SVEP1: variants seen among roughly 807,000 people sequenced by gnomAD.
The protein encoded by SVEP1 is sushi, von Willebrand factor type A, EGF and pentraxin domain containing 1.
SVEP1 carries 164 observed loss-of-function variants against 367.3 expected under a neutral mutation model. The ratio of observed to expected loss-of-function variants is 0.45; its 90% CI spans 0.39 to 0.51. The LOEUF (loss-of-function observed/expected upper bound fraction) is 0.51. SVEP1 is among the 20% of genes least tolerant of loss of function. The probability of loss-of-function intolerance (pLI) is 0.00; values close to 1 mark genes in which losing one functional copy is unlikely to be tolerated. For synonymous variants in SVEP1, 1,666 were observed against 1,611.6 expected (o/e 1.03, Z -0.81); for missense variants, 4,117 against 4,425.3 (o/e 0.93, Z 1.98).
chr9:110,443,857 T>TTCTCCATG (rs1828551339), intron 26 of SVEP1, 137 bp from the exon 27 acceptor site: 2 of 673,146 alleles, frequency 3.0e-6, no homozygotes, highest in East Asian at 6.7e-5. Context: ...CTCTTTTTTT[T>TTCTCCATG]TCTCCATTTG....
At position 110,436,323 on chromosome 9, in the gene SVEP1, T is replaced by A. The variant is rs1465661546; in HGVS notation, c.4764+57A>T. ...TGTCATCATTAGGCTGTTCACATTT[T>A]TACTAGGTTTGTACCTTTGCATCTC... On this transcript the variant is annotated intron_variant, in intron 28 of 47. Coordinates refer to ENST00000374469, the MANE Select transcript of SVEP1 (RefSeq NM_153366.4). 1.9e-6 allele frequency: 3 copies of A among 1,596,908 alleles called. No individual in the cohort carries two copies. The African/African-American group carries it at 4.0e-5, about 21-fold the overall frequency.
At chr9:110,515,544 C>T (rs1160766139) in intron 3 of SVEP1, among the ~76,000 whole-genome samples, 1 of 152,136 alleles carries the variant, frequency 6.6e-6, no homozygotes, top group Non-Finnish European at 1.5e-5. Context: ...TCATGATCCG[C>T]CCGCCTCAGC....
At chr9:110,371,052 A>G (rs1440041052) in intron 46 of SVEP1, among the ~76,000 whole-genome samples, 1 of 152,220 alleles carries the variant, frequency 6.6e-6, no homozygotes, top group Non-Finnish European at 1.5e-5. Flanking sequence ...GTCCTTGTCC[A>G]GAGAGAACAA....
intron 17 of SVEP1, 128 bp from the exon 18 acceptor site, chr9:110,466,154 C>CT: frequency 1.0e-6 from 1 of 959,230 alleles, no homozygotes; most frequent in Non-Finnish European, 1.5e-6. Flanking sequence ...CCAGAGAGCT[C>CT]TTTCTCCTGT....
chr9:110,435,329 G>A lies in SVEP1; in HGVS notation c.4800C>T (p.Leu1600=). The A allele has an allele frequency of 1.9e-6, 3 of 1,613,540 alleles. No individual in the cohort carries two copies. Among genetic ancestry groups the A allele is most frequent in the Non-Finnish European group, 2.5e-6 (3 of 1,179,564 alleles). The stretch of plus-strand genomic sequence containing the variant: ...GCCATGCTAACACGTTTCCTTTACT[G>A]AGTTCCTCTGGGCAGGAGGTAGCCA... ...KSLATSCPEE[L]SKGNVLAWPD... The change falls in exon 29 of 48, where the codon CTC becomes CTT. Residue 1600 remains leucine, a synonymous_variant. Transcript: ENST00000374469.
At chr9:110,372,208 C>G (rs1827288918) in intron 46 of SVEP1, among the ~76,000 whole-genome samples, 1 of 152,194 alleles carries the variant, frequency 6.6e-6, no homozygotes, top group South Asian at 2.1e-4. Flanking sequence ...GCTTCAGTAG[C>G]TTTTTCTGAA....
intron 3 of SVEP1, among the ~76,000 whole-genome samples, chr9:110,531,427 A>C (rs1456290828): frequency 6.6e-6 from 1 of 152,150 alleles, no homozygotes; most frequent in Non-Finnish European, 1.5e-5. Flanking sequence ...TCCTGGGGGC[A>C]GTTACCCTCA....
chr9:110,378,678 C>T (rs7862275), intron 44 of SVEP1, among the ~76,000 whole-genome samples: 12,153 of 122,744 alleles, frequency 0.099, 960 homozygotes, highest in African/African-American at 0.23. Context: ...TTGCCCATGC[C>T]TAAGTCCTGA....
chr9:110,549,994 T>C lies in SVEP1; in HGVS notation c.642A>G (p.Ser214=), dbSNP rs1234492742. The part of the protein sequence containing the change: ...PRPIAASLRD[S]GVEIFTFGIW... Reference sequence around the variant, plus strand: ...TGCCAAAAGTGAAGATCTCCACTCCTGAATCTCGCAGTGACGCTGCAATTG... The same window carrying C: ...TGCCAAAAGTGAAGATCTCCACTCCCGAATCTCGCAGTGACGCTGCAATTG... The change falls in exon 2 of 48, where the codon TCA becomes TCG. Residue 214 remains serine, a synonymous_variant. Coordinates refer to ENST00000374469, the MANE Select transcript of SVEP1 (RefSeq NM_153366.4). The C allele has an allele frequency of 3.7e-6, 6 of 1,613,790 alleles. No individual in the cohort carries two copies. Among genetic ancestry groups the C allele is most frequent in the Non-Finnish European group, 5.1e-6 (6 of 1,179,884 alleles).
chr9:110,555,982 C>T (rs1472296563), intron 1 of SVEP1, among the ~76,000 whole-genome samples: 1 of 152,188 alleles, frequency 6.6e-6, no homozygotes, highest in Non-Finnish European at 1.5e-5. Context: ...TAGTTTACAT[C>T]ATCTGCTAGC....
intron 6 of SVEP1, among the ~76,000 whole-genome samples, chr9:110,502,776 A>G (rs539606388): frequency 2.5e-4 from 38 of 152,372 alleles, no homozygotes; most frequent in African/African-American, 9.1e-4. Context: ...CTCAATTAAA[A>G]CTAAGAAAAA....
chr9:110,375,373 T>G lies in SVEP1; in HGVS notation c.10595A>C (p.His3532Pro), dbSNP rs201857903. 3 of 1,542,148 alleles carry G rather than the reference T, an allele frequency of 1.9e-6. No individual in the cohort carries two copies. The highest frequency in any genetic ancestry group is 2.0e-5 in the Admixed American group (1 of 49,352). ...CPPGWTGSRC[H>P]TAVCQSPCLN... Reference sequence around the variant, plus strand: ...AAACCATGAAAGAGGCCTACCTGTATGACAGCGAGACCCCGTCCAGCCAGG... The same window carrying G: ...AAACCATGAAAGAGGCCTACCTGTAGGACAGCGAGACCCCGTCCAGCCAGG... Residue 3532 changes from histidine to proline, a missense_variant, in exon 46 of 48, where the codon CAT (histidine) becomes CCT (proline). Physicochemically the swap from His to Pro is moderately conservative, Grantham distance 77. Transcript: ENST00000374469.
Position 110,579,352 on chromosome 9 carries a change from C to T in SVEP1, c.192G>A (p.Leu64=). Residue 64 remains leucine, a synonymous_variant, in exon 1 of 48, where the codon CTG becomes CTA. Transcript: ENST00000374469. The surrounding 1 kb of genome is among the most constrained non-coding windows in gnomAD (Gnocchi z 5.3). ...GCACGCGTCGCCGGAACGCCTGGCC[C>T]AGCCGCTCCACTCTGCTCCCCGCCG... ...DEAAGSRVER[L]GQAFRRRVRL... The T allele has an allele frequency of 3.9e-6, 6 of 1,555,340 alleles. No homozygotes were observed. The highest frequency in any genetic ancestry group is 1.2e-5 in the South Asian group (1 of 84,664).
At position 110,400,189 on chromosome 9, in the gene SVEP1, T is replaced by G. The variant is rs146646644; in HGVS notation, c.9822+665A>C. The stretch of plus-strand genomic sequence containing the variant: ...GAAATCCTGGCTTTGCATACCTAAA[T>G]CCTTGTGGTTACCTCTCCATGGTGA... On this transcript the variant is annotated intron_variant, in intron 40 of 47. Transcript: ENST00000374469. Among the ~76,000 whole-genome samples the G allele has an allele frequency of 2.0e-5, 3 of 152,312 alleles. No homozygotes were observed. In the East Asian group the frequency reaches 5.8e-4, roughly 29 times the overall value.
intron 17 of SVEP1, among the ~76,000 whole-genome samples, chr9:110,467,552 C>T (rs976840563): frequency 4.6e-5 from 7 of 151,782 alleles, no homozygotes; most frequent in African/African-American, 1.7e-4. Flanking sequence ...GGTTTAGTAT[C>T]GTACCCCTGG....
In SVEP1 at chr9:110,503,290, T is replaced by G; in HGVS notation, c.1304-73A>C. On this transcript the variant is annotated intron_variant, in intron 5 of 47. Transcript: ENST00000374469. ...AAAATAATAATTACAAGTTTAGCAA[T>G]GCCTGCACATTGCAAGCAAGACAAT... 3.5e-6 allele frequency: 5 copies of G among 1,424,480 alleles called. 1 individual carries two copies. In the South Asian group the frequency reaches 6.8e-5, roughly 19 times the overall value. The allele number at this position is 1,424,480 out of a possible 1,614,324, so 88.2% of individuals were successfully genotyped here.
intron 24 of SVEP1, among the ~76,000 whole-genome samples, chr9:110,448,129 A>ATT (rs1828631829): frequency 7.0e-6 from 1 of 142,864 alleles, no homozygotes; most frequent in African/African-American, 2.6e-5. Flanking sequence ...AAGAAAGTGA[A>ATT]TGTGTGTGTG....
intron 14 of SVEP1, chr9:110,475,948 G>A: frequency 2.8e-6 from 1 of 353,226 alleles, no homozygotes; most frequent in Admixed American, 4.7e-5. Context: ...AATTTTACCA[G>A]CATATGTGAC....
At chr9:110,480,695 G>A (rs545208372) in intron 12 of SVEP1, among the ~76,000 whole-genome samples, 5 of 151,984 alleles carry the variant, frequency 3.3e-5, no homozygotes, top group African/African-American at 4.8e-5. Context: ...ACAGTGATGT[G>A]ATCAAAGTTC....
Sources: allele counts gnomAD v4.1 joint callset (sites outside exome capture counted in the v4.1 genomes callset), GRCh38; gene constraint gnomAD v4.1.1; non-coding constraint Gnocchi (gnomAD v3.1); transcripts MANE v1.5; gene names NCBI Gene and HGNC (gene_info 2026-07-23, HGNC 2026-07-21).